The following STRN3 variants were observed in gnomAD, a reference collection of about 807,000 sequenced individuals.
The protein encoded by STRN3 is striatin-3.
Under a neutral mutation model 95.6 loss-of-function variants are expected in STRN3, and 29 were observed. That is an observed-to-expected ratio of 0.30 (90% confidence interval 0.23 to 0.41). The LOEUF is 0.41. Among genes scored for constraint, STRN3 ranks in the 10% least tolerant of loss-of-function variants. The pLI, the probability that STRN3 is intolerant of heterozygous loss-of-function variation, is 1.00. For missense variants in STRN3, 890 were observed against 972.1 expected, an observed-to-expected ratio of 0.92 and a Z score of 1.12; for synonymous variants, 331 against 357.6, an observed-to-expected ratio of 0.93 and a Z score of 0.84.
Position 30,950,910 on chromosome 14 carries a change from A to T in STRN3, c.495T>A (p.Pro165=). ...ETKDTEAPTA[P]QNSQLTWKQG... ...GCTTCCACGTTAACTGGCTATTCTG[A>T]GGTGCTGTGGGAGCCTCTGTGTCTT... The change falls in exon 4 of 18, where the codon CCT becomes CCA. Residue 165 remains proline (P), a synonymous_variant. Transcript: ENST00000357479. The T allele has an allele frequency of 1.9e-6, 3 of 1,613,892 alleles. No homozygotes were observed. Among genetic ancestry groups the T allele is most frequent in the Non-Finnish European group, 2.5e-6 (3 of 1,179,938 alleles).
At chr14:30,960,283 G>A (rs1880124647) in intron 1 of STRN3, among the ~76,000 whole-genome samples, 1 of 152,114 alleles carries the variant, frequency 6.6e-6, no homozygotes, top group East Asian at 1.9e-4. Context: ...AGATGTTTCA[G>A]TGAGCTATCA....
intron 3 of STRN3, among the ~76,000 whole-genome samples, chr14:30,954,546 A>G (rs1244270024): frequency 6.6e-6 from 1 of 152,216 alleles, no homozygotes; most frequent in African/African-American, 2.4e-5. Flanking sequence ...TCCACTAAAC[A>G]TCCTGAAGAA....
chr14:31,019,886 C>CT (rs67956918), intron 1 of STRN3, among the ~76,000 whole-genome samples: 91,893 of 143,006 alleles, frequency 0.64, 29,816 homozygotes, highest in Non-Finnish European at 0.71. Context: ...CACTCATTTT[C>CT]TTTTTTTTTT....
chr14:30,902,383 G>A (rs1896346996), intron 16 of STRN3, among the ~76,000 whole-genome samples, 153 bp downstream of exon 16: 4 of 151,982 alleles, frequency 2.6e-5, no homozygotes, highest in Admixed American at 6.6e-5. Flanking sequence ...CAAATCATAA[G>A]CGTGCAACAT....
At chr14:30,915,624 TA>T (rs1896718765) in intron 9 of STRN3, among the ~76,000 whole-genome samples, 1 of 152,324 alleles carries the variant, frequency 6.6e-6, no homozygotes, top group East Asian at 1.9e-4. Flanking sequence ...GATAATTATA[TA>T]AAAGTCATTA....
chr14:30,924,076 G>T (rs896920236), intron 8 of STRN3, among the ~76,000 whole-genome samples: 1 of 151,552 alleles, frequency 6.6e-6, no homozygotes, highest in Non-Finnish European at 1.5e-5. Context: ...TTTTAGCTTA[G>T]ATATTAGTAT....
In STRN3 at chr14:30,993,016, T is replaced by C. The variant is rs139167154; in HGVS notation, c.282+32888A>G. 8.9e-3 allele frequency among the ~76,000 whole-genome samples: 1,348 copies of C among 152,188 alleles called. 19 individuals carry two copies. The highest frequency in any genetic ancestry group is 0.031 in the African/African-American group (1,298 of 41,520). On this transcript the variant is annotated intron_variant, in intron 1 of 17. Coordinates refer to ENST00000357479, the MANE Select transcript of STRN3 (RefSeq NM_001083893.2). Reference sequence around the variant, plus strand: ...TAGATATTTCACTAATCATAATTTATAATCTTAATAAGACATCATTTGTCA... The same window carrying C: ...TAGATATTTCACTAATCATAATTTACAATCTTAATAAGACATCATTTGTCA...
intron 5 of STRN3, among the ~76,000 whole-genome samples, chr14:30,940,399 T>A (rs977242537): frequency 6.6e-6 from 1 of 152,210 alleles, no homozygotes; most frequent in Non-Finnish European, 1.5e-5. Context: ...ATGTCTCTTT[T>A]TGCTATTAAT....
At chr14:30,926,541 C>T (rs975006143) in intron 8 of STRN3, among the ~76,000 whole-genome samples, 2 of 151,682 alleles carry the variant, frequency 1.3e-5, no homozygotes, top group African/African-American at 4.8e-5. Context: ...TCTTATATTA[C>T]TTCTTATAAT....
chr14:30,953,175 A>C (rs1879735742), intron 3 of STRN3, among the ~76,000 whole-genome samples: 2 of 152,160 alleles, frequency 1.3e-5, no homozygotes, highest in South Asian at 4.1e-4. Context: ...AATGTTGCTA[A>C]GGATATTCTT....
intron 1 of STRN3, among the ~76,000 whole-genome samples, chr14:30,968,552 T>C (rs902525350): frequency 6.6e-6 from 1 of 151,220 alleles, no homozygotes; most frequent in African/African-American, 2.4e-5. Flanking sequence ...TGGTGGCGGG[T>C]GCCTGTAGCC....
At position 30,918,503 on chromosome 14, in the gene STRN3, T is replaced by G. The variant is rs529438533; in HGVS notation, c.1240+463A>C. On this transcript the variant is annotated intron_variant, in intron 9 of 17. Transcript: ENST00000357479. ...CAGCCTGGGAGACAGAGTGAGACTC[T>G]GTCTCAAGGAAAAAAAAAGAAAAAA... is the stretch of plus-strand genomic sequence containing the variant. Among the ~76,000 whole-genome samples, 57 of 134,804 alleles carry G rather than the reference T, an allele frequency of 4.2e-4. No homozygotes were observed. The Middle Eastern group carries it at 0.011, about 27-fold the overall frequency. The allele number at this position is 134,804 out of a possible 152,430, so 88.4% of individuals were successfully genotyped here.
chr14:30,923,768 CCA>C (rs1896941976), intron 8 of STRN3, among the ~76,000 whole-genome samples: 1 of 152,060 alleles, frequency 6.6e-6, no homozygotes, highest in African/African-American at 2.4e-5. Flanking sequence ...TTATTATAAT[CCA>C]CAGTTTAAAT....
intron 1 of STRN3, among the ~76,000 whole-genome samples, chr14:31,017,891 C>T (rs951178434): frequency 6.6e-6 from 1 of 151,944 alleles, no homozygotes; most frequent in African/African-American, 2.4e-5. Flanking sequence ...GCCTGGCCAA[C>T]ATGGTGAAAC....
rs7359086 is a variant in STRN3 at position 30,947,827 on chromosome 14, A to C, written c.543-564T>G. Among the ~76,000 whole-genome samples, 1,196 of 152,306 alleles carry C rather than the reference A, an allele frequency of 7.9e-3. 13 individuals are homozygous for C. The highest frequency in any genetic ancestry group is 0.027 in the African/African-American group (1,143 of 41,572). ...CACCATATCTAAACTAAGGAACTTA[A>C]CCTAGGATCTAAGATGAGACTGGAA... is the stretch of plus-strand genomic sequence containing the variant. On this transcript the variant is annotated intron_variant, in intron 4 of 17. Coordinates refer to ENST00000357479, the MANE Select transcript of STRN3 (RefSeq NM_001083893.2).
intron 1 of STRN3, among the ~76,000 whole-genome samples, chr14:31,012,609 T>C (rs1883018095): frequency 6.6e-6 from 1 of 152,156 alleles, no homozygotes; most frequent in Admixed American, 6.5e-5. Flanking sequence ...AGTGAGGATG[T>C]AGGGTCAGGC....
At chr14:30,909,708 C>T (rs571806110) in intron 13 of STRN3, among the ~76,000 whole-genome samples, 3 of 152,108 alleles carry the variant, frequency 2.0e-5, no homozygotes. Flanking sequence ...GAACTCCTGG[C>T]CTCAAGTGAT....
intron 4 of STRN3, among the ~76,000 whole-genome samples, chr14:30,948,812 C>G (rs1879494523): frequency 6.6e-6 from 1 of 152,166 alleles, no homozygotes; most frequent in South Asian, 2.1e-4. Context: ...GAGAGGAATA[C>G]TGTCCAAGTG....
chr14:30,944,913 G>A (rs935085997), intron 5 of STRN3, among the ~76,000 whole-genome samples: 1 of 151,958 alleles, frequency 6.6e-6, no homozygotes, highest in African/African-American at 2.4e-5. Context: ...GTGCCCAGTC[G>A]ACCAGAATAT....
Sources: allele counts gnomAD v4.1 joint callset (sites outside exome capture counted in the v4.1 genomes callset), GRCh38; gene constraint gnomAD v4.1.1; transcripts MANE v1.5; gene names NCBI Gene and HGNC (gene_info 2026-07-23, HGNC 2026-07-21).